The following RGS5 variants were observed in gnomAD, a reference collection of about 807,000 sequenced individuals.
The protein encoded by RGS5 is regulator of G-protein signalling 5.
In RGS5, 20 loss-of-function variants were observed where a neutral mutation model predicts 18.9. The ratio of observed to expected loss-of-function variants is 1.06; its 90% CI spans 0.74 to 1.54. RGS5 has a LOEUF of 1.54. Ranked by LOEUF, RGS5 falls within the 40% of genes most tolerant of loss-of-function variation. The pLI is 0.00. For missense variants in RGS5, 201 were observed against 211.8 expected (o/e 0.95, Z 0.32); for synonymous variants, 57 against 76.2 (o/e 0.75, Z 1.31).
At position 163,161,941 on chromosome 1, in the gene RGS5, G is replaced by A; in HGVS notation, c.191C>T (p.Ser64Phe). Residue 64 changes from serine (S) to phenylalanine (F), a missense_variant, in exon 3 of 5, where the codon TCC becomes TTC. Transcript: ENST00000313961. ...SLDEALQWRD[S>F]LDKLLQNNYG... is the part of the protein sequence containing the mutation. ...GTTGTTCTGCAGGAGTTTGTCCAGG[G>A]AATCACGCCACTGCAGGGCCTCGTC... is the stretch of plus-strand genomic sequence containing the variant. 6.2e-7 allele frequency: 1 copy of A among 1,613,296 alleles called. No individual in the cohort carries two copies. The highest frequency in any genetic ancestry group is 1.1e-5 in the South Asian group (1 of 91,066).
At chr1:163,316,089 CACT>C (rs1298016380) in intron 1 of RGS5, among the ~76,000 whole-genome samples, 1 of 152,152 alleles carries the variant, frequency 6.6e-6, no homozygotes, top group Admixed American at 6.5e-5. Flanking sequence ...TAAAATTATA[CACT>C]ACAATACTAA....
At chr1:163,181,460 C>T (rs575622443) in intron 1 of RGS5, among the ~76,000 whole-genome samples, 2 of 152,234 alleles carry the variant, frequency 1.3e-5, no homozygotes, top group South Asian at 2.1e-4. Context: ...TTTAAGGGGC[C>T]TCAGGGAGCT....
intron 1 of RGS5, among the ~76,000 whole-genome samples, chr1:163,315,845 C>A (rs4351615): frequency 0.089 from 13,575 of 152,108 alleles, 678 homozygotes; most frequent in African/African-American, 0.13. Context: ...TATTCTAATG[C>A]CAATAAATTT....
chr1:163,313,527 T>C (rs1000265669), intron 1 of RGS5, among the ~76,000 whole-genome samples: 1 of 152,152 alleles, frequency 6.6e-6, no homozygotes, highest in African/African-American at 2.4e-5. Flanking sequence ...ACAATACATA[T>C]GTAGGGCATC....
At chr1:163,158,613 G>T (rs1035688759) in intron 3 of RGS5, among the ~76,000 whole-genome samples, 2 of 152,104 alleles carry the variant, frequency 1.3e-5, no homozygotes, top group African/African-American at 4.8e-5. Flanking sequence ...TTTTCAAAAG[G>T]GGAAGGAGTG....
At chr1:163,252,585 G>A (rs1648139420) in intron 2 of RGS5, among the ~76,000 whole-genome samples, 1 of 152,102 alleles carries the variant, frequency 6.6e-6, no homozygotes, top group Non-Finnish European at 1.5e-5. Context: ...CCAACATCAA[G>A]TGTTCTCAAT....
At chr1:163,234,120 T>C (rs914375298) in intron 2 of RGS5, among the ~76,000 whole-genome samples, 1 of 152,216 alleles carries the variant, frequency 6.6e-6, no homozygotes, top group Non-Finnish European at 1.5e-5. Context: ...AACACAATGC[T>C]GAATAGAAGG....
At chr1:163,301,644 T>C (rs1260985167) in intron 2 of RGS5, among the ~76,000 whole-genome samples, 2 of 152,144 alleles carry the variant, frequency 1.3e-5, no homozygotes, top group Non-Finnish European at 1.5e-5. Flanking sequence ...AGAATGAGTC[T>C]TTATAAAGAA....
At chr1:163,313,940 C>A (rs1305422298) in intron 1 of RGS5, among the ~76,000 whole-genome samples, 1 of 151,730 alleles carries the variant, frequency 6.6e-6, no homozygotes, top group East Asian at 1.9e-4. Flanking sequence ...TTCCTGGTTT[C>A]CTAGATATGT....
chr1:163,313,031 A>G (rs72695990), intron 1 of RGS5, among the ~76,000 whole-genome samples: 2,201 of 152,300 alleles, frequency 0.014, 20 homozygotes, highest in Non-Finnish European at 0.025. Context: ...ATAAAAATAT[A>G]ACAGGGTGAA....
chr1:163,238,624 C>T, intron 2 of RGS5: 1 of 233,940 alleles, frequency 4.3e-6, no homozygotes, highest in Non-Finnish European at 9.2e-6. Flanking sequence ...ATGCAAAACG[C>T]TTGGGTGGAA....
intron 2 of RGS5, among the ~76,000 whole-genome samples, chr1:163,267,010 A>G (rs1372686628): frequency 6.6e-6 from 1 of 152,126 alleles, no homozygotes; most frequent in East Asian, 1.9e-4. Flanking sequence ...TGTGCACTCC[A>G]TAATTCTAGG....
In RGS5 at chr1:163,217,453, A is replaced by T. The variant is rs1464092581; in HGVS notation, c.69+73T>A. 7 of 1,407,978 alleles carry T rather than the reference A, an allele frequency of 5.0e-6. No homozygotes were observed. The African/African-American group carries it at 8.8e-5, about 18-fold the overall frequency. The allele number at this position is 1,407,978 out of a possible 1,614,324, so 87.2% of individuals were successfully genotyped here. ...CACTATTGGCATCCTTCCACAAAAT[A>T]ACTATGCACAGTCTTTCCTGTAAAT... On this transcript the variant is annotated intron_variant, in intron 1 of 5. Transcript: ENST00000367903.
intron 2 of RGS5, among the ~76,000 whole-genome samples, chr1:163,167,740 A>C (rs1175129277): frequency 6.6e-6 from 1 of 152,122 alleles, no homozygotes; most frequent in Non-Finnish European, 1.5e-5. Flanking sequence ...CCTCTGTTGG[A>C]ACTTGAGGGG....
intron 2 of RGS5, among the ~76,000 whole-genome samples, chr1:163,292,325 C>G (rs1048046632): frequency 1.3e-5 from 2 of 152,164 alleles, no homozygotes; most frequent in African/African-American, 4.8e-5. Flanking sequence ...CAACTCCATC[C>G]ATGTCCCTGC....
intron 1 of RGS5, among the ~76,000 whole-genome samples, chr1:163,182,944 G>A (rs903008162): frequency 2.6e-5 from 2 of 76,826 alleles, no homozygotes; most frequent in African/African-American, 7.3e-5. Flanking sequence ...GTAGTAAAAG[G>A]TATTGGAGAA....
Position 163,292,485 on chromosome 1 carries a change from T to C in RGS5, c.-281+13748A>G, listed in dbSNP as rs145051338. On this transcript the variant is annotated intron_variant, in intron 2 of 5. Coordinates refer to the RGS5 transcript ENST00000618415. The stretch of plus-strand genomic sequence containing the variant: ...AATAGTGATGCAATGAACACACACA[T>C]GCATGCATCTTTATAATAGAATGAT... 5.5e-3 allele frequency among the ~76,000 whole-genome samples: 842 copies of C among 152,322 alleles called. 12 individuals are homozygous for C. The highest frequency in any genetic ancestry group is 9.9e-3 in the Non-Finnish European group (671 of 68,018).
At chr1:163,255,630 A>T (rs1311664561) in intron 2 of RGS5, among the ~76,000 whole-genome samples, 1 of 151,202 alleles carries the variant, frequency 6.6e-6, no homozygotes, top group African/African-American at 2.4e-5. Flanking sequence ...CATCATCCTG[A>T]TACCAAAGCC....
chr1:163,171,467 C>T (rs183422402), intron 1 of RGS5, among the ~76,000 whole-genome samples: 1 of 152,292 alleles, frequency 6.6e-6, no homozygotes, highest in African/African-American at 2.4e-5. Context: ...CAATAGTCCA[C>T]TCACCAATAT....
Sources: gnomAD v4.1 joint callset for allele counts (sites outside exome capture counted in the v4.1 genomes callset) on GRCh38, gnomAD v4.1.1 for gene constraint, MANE v1.5 for transcripts, NCBI Gene and HGNC (gene_info 2026-07-23, HGNC 2026-07-21) for gene names.